The following AGO3 variants were observed in gnomAD, a reference collection of about 807,000 sequenced individuals.
The protein encoded by AGO3 is argonaute RISC catalytic component 3, also known as protein argonaute-3.
A neutral mutation model predicts 105.5 loss-of-function variants in AGO3; 16 were observed. The ratio of observed to expected loss-of-function variants is 0.15; its 90% CI spans 0.10 to 0.23. AGO3 has a LOEUF of 0.23. AGO3 is among the 10% of genes least tolerant of loss of function. AGO3 has a pLI of 1.00. For missense variants in AGO3, 534 were observed against 1,088.0 expected, an observed-to-expected ratio of 0.49 and a Z score of 7.16; for synonymous variants, 340 against 367.3, an observed-to-expected ratio of 0.93 and a Z score of 0.85.
chr1:36,039,478 G>A (rs995707475), intron 14 of AGO3, among the ~76,000 whole-genome samples: 2 of 130,086 alleles, frequency 1.5e-5, no homozygotes, highest in African/African-American at 6.1e-5. Context: ...TGATGACAGA[G>A]CAAGACTGCG....
At chr1:35,957,115 C>T (rs1160065971) in intron 2 of AGO3, among the ~76,000 whole-genome samples, 1 of 151,906 alleles carries the variant, frequency 6.6e-6, no homozygotes, top group Non-Finnish European at 1.5e-5. Flanking sequence ...TTTGGGAGGC[C>T]AAGGTGGGCA....
Position 35,966,149 on chromosome 1 carries a change from A to T in AGO3, c.192-806A>T, listed in dbSNP as rs558993508. Among the ~76,000 whole-genome samples, 130 of 152,208 alleles carry T rather than the reference A, an allele frequency of 8.5e-4. 1 individual carries two copies. Among genetic ancestry groups the T allele is most frequent in the African/African-American group, 3.1e-3 (128 of 41,542 alleles). ...CTTGAATCTTTTAAATTAGTTTTAG[A>T]TTATATCAATACTATGTGAGTACAT... On this transcript the variant is annotated intron_variant, in intron 2 of 18. Coordinates refer to ENST00000373191, the MANE Select transcript of AGO3 (RefSeq NM_024852.4).
intron 14 of AGO3, among the ~76,000 whole-genome samples, chr1:36,037,910 G>A (rs558729677): frequency 2.6e-5 from 4 of 152,132 alleles, no homozygotes; most frequent in Non-Finnish European, 5.9e-5. Context: ...ACTTCTGGTA[G>A]TCATTGTCTT....
chr1:35,974,609 A>G (rs1047775954), intron 5 of AGO3, among the ~76,000 whole-genome samples: 1 of 152,186 alleles, frequency 6.6e-6, no homozygotes, highest in African/African-American at 2.4e-5. Context: ...TTCAAAAATC[A>G]GTCTCTAGGT....
At chr1:35,963,876 C>G (rs1646726206) in intron 2 of AGO3, among the ~76,000 whole-genome samples, 2 of 151,914 alleles carry the variant, frequency 1.3e-5, no homozygotes, top group African/African-American at 4.8e-5. Flanking sequence ...GATGGAGATA[C>G]TATTAATTAA....
At chr1:36,016,961 T>C (rs1021324233) in intron 11 of AGO3, among the ~76,000 whole-genome samples, 1 of 152,170 alleles carries the variant, frequency 6.6e-6, no homozygotes. Context: ...TTCCTCCCTT[T>C]TGGTTAGGTC....
chr1:36,004,186 C>G, intron 5 of AGO3, 155 bp from the exon 6 acceptor site: 1 of 614,928 alleles, frequency 1.6e-6, no homozygotes, highest in Non-Finnish European at 2.5e-6. Context: ...CCTCAGAGGT[C>G]AAATTAAAAC....
rs769120460 is a variant in AGO3, at chr1:36,067,455, A to G, written c.*11710A>G. 2 of 152,284 alleles carry G rather than the reference A, an allele frequency of 1.3e-5. No homozygotes were observed. The highest frequency in any genetic ancestry group is 2.9e-5 in the Non-Finnish European group (2 of 68,096). 9.4% of individuals were successfully genotyped at this position (152,284 alleles called of 1,614,324 possible). On this transcript the variant is annotated 3_prime_UTR_variant, in exon 19 of 19. Coordinates refer to ENST00000373191, the MANE Select transcript of AGO3 (RefSeq NM_024852.4). ...CCGGGAGCAGTGGCTCATGCCTGCA[A>G]TCCCAGCACTTTGGGAGGCCAAGGC...
chr1:36,052,105 A>G (rs958077902), intron 17 of AGO3, among the ~76,000 whole-genome samples: 11 of 152,204 alleles, frequency 7.2e-5, no homozygotes, highest in Admixed American at 5.9e-4. Flanking sequence ...TCAAGAAGAT[A>G]TCTGCATCCC....
At position 36,055,941 on chromosome 1, in the gene AGO3, A is replaced by G; in HGVS notation, c.*196A>G. On this transcript the variant is annotated 3_prime_UTR_variant, in exon 19 of 19. Coordinates refer to ENST00000373191, the MANE Select transcript of AGO3 (RefSeq NM_024852.4). The surrounding 1 kb of genome is among the most constrained non-coding windows in gnomAD (Gnocchi z 4.4). The stretch of plus-strand genomic sequence containing the variant: ...TCAAGGAACACAGCATCATTATGCA[A>G]TATGAAACCAGCCAACTGCTTTTTG... 1 of 512,754 alleles carries G rather than the reference A, an allele frequency of 2.0e-6. No homozygotes were observed. Among genetic ancestry groups the G allele is most frequent in the Non-Finnish European group, 3.4e-6 (1 of 290,800 alleles). The allele number at this position is 512,754 out of a possible 1,614,324, so 31.8% of individuals were successfully genotyped here. A position where few individuals can be genotyped will look rare whatever the true frequency, so the allele number is the denominator to read the frequency against.
chr1:36,009,582 A>G lies in AGO3; in HGVS notation c.1137A>G (p.Glu379=), dbSNP rs1640495026. The G allele has an allele frequency of 6.2e-7, 1 of 1,611,066 alleles. No homozygotes were observed. Among genetic ancestry groups the G allele is most frequent in the Admixed American group, 1.7e-5 (1 of 58,608 alleles). The change falls in exon 9 of 19, where the codon GAA becomes GAG. Residue 379 remains glutamate, a synonymous_variant. Coordinates refer to ENST00000373191, the MANE Select transcript of AGO3 (RefSeq NM_024852.4). ...TARSAPDRQE[E]ISRLVRSANY... ...GATCTGCACCAGATAGACAAGAGGA[A>G]ATTAGCAGATTGGTTAGTACTTAAC... is the stretch of plus-strand genomic sequence containing the variant.
At position 36,013,451 on chromosome 1, in the gene AGO3, C is replaced by A. The variant is rs539176326; in HGVS notation, c.1150-179C>A. ...AGGAGGTCACAGAATTTCTGCAGTC[C>A]ATTCATGACCCATGGTCCCCAGGTT... On this transcript the variant is annotated intron_variant, in intron 9 of 18. Transcript: ENST00000373191. 1.2e-4 allele frequency: 84 copies of A among 705,710 alleles called. No homozygotes were observed. The East Asian group carries it at 2.3e-3, about 19-fold the overall frequency. 43.7% of individuals were successfully genotyped at this position (705,710 alleles called of 1,614,324 possible). A position where few individuals can be genotyped will look rare whatever the true frequency, so the allele number is the denominator to read the frequency against.
chr1:36,056,022 AC>A lies in AGO3; in HGVS notation c.*280del. 3.8e-6 allele frequency: 1 copy of A among 259,784 alleles called. No homozygotes were observed. The highest frequency in any genetic ancestry group is 7.3e-6 in the Non-Finnish European group (1 of 137,126). 16.1% of individuals were successfully genotyped at this position (259,784 alleles called of 1,614,324 possible). On this transcript the variant is annotated 3_prime_UTR_variant, in exon 19 of 19. Coordinates refer to ENST00000373191, the MANE Select transcript of AGO3 (RefSeq NM_024852.4). The stretch of plus-strand genomic sequence containing the variant: ...TTTTGTTTTCATTTCTTGTAGTCTA[AC>A]CCTTTTAATGCCTTTACCTCAAGTT...
chr1:35,972,879 T>TG (rs1280012903), intron 4 of AGO3, among the ~76,000 whole-genome samples: 2 of 144,428 alleles, frequency 1.4e-5, no homozygotes, highest in Non-Finnish European at 3.0e-5. Context: ...TTTTTTTTTG[T>TG]AGAGATGGAA....
At chr1:35,990,660 A>G (rs943722361) in intron 5 of AGO3, among the ~76,000 whole-genome samples, 1 of 152,212 alleles carries the variant, frequency 6.6e-6, no homozygotes, top group African/African-American at 2.4e-5. Flanking sequence ...AGTAGTTAGA[A>G]GTTCACACTG....
At chr1:36,009,932 C>CTTTTTTTTTTTTTTTTTTTTTTTT (rs58385070) in intron 9 of AGO3, among the ~76,000 whole-genome samples, 1 of 58,202 alleles carries the variant, frequency 1.7e-5, no homozygotes, top group Non-Finnish European at 3.0e-5. Flanking sequence ...TACTAAAATT[C>CTTTTTTTTTTTTTTTTTTTTTTTT]TTTTTTTTTT....
Position 36,009,413 on chromosome 1 carries a change from C to T in AGO3, c.1030-62C>T, listed in dbSNP as rs534532921. ...AATTTTTATTTACATGTAATTGGCA[C>T]TAAGTAAGAGCTAAAAAAAAAAGAT... On this transcript the variant is annotated intron_variant, in intron 8 of 18. Coordinates refer to ENST00000373191, the MANE Select transcript of AGO3 (RefSeq NM_024852.4). 4.5e-3 allele frequency: 6,814 copies of T among 1,502,300 alleles called. 21 individuals are homozygous for T. The highest frequency in any genetic ancestry group is 5.4e-3 in the Non-Finnish European group (6,076 of 1,122,760). 93.1% of individuals were successfully genotyped at this position (1,502,300 alleles called of 1,614,324 possible). A position where few individuals can be genotyped will look rare whatever the true frequency, so the allele number is the denominator to read the frequency against.
chr1:35,981,923 G>A (rs1647060260), intron 5 of AGO3, among the ~76,000 whole-genome samples: 1 of 152,056 alleles, frequency 6.6e-6, no homozygotes, highest in Admixed American at 6.5e-5. Flanking sequence ...GCTTCTTTTA[G>A]TCTCAAGTAC....
intron 5 of AGO3, among the ~76,000 whole-genome samples, chr1:35,979,544 A>G (rs1317750943): frequency 6.6e-6 from 1 of 152,064 alleles, no homozygotes; most frequent in Non-Finnish European, 1.5e-5. Context: ...TGCTTATGTC[A>G]TTTATTTCCT....
Sources: gnomAD v4.1 joint callset for allele counts (sites outside exome capture counted in the v4.1 genomes callset) on GRCh38, gnomAD v4.1.1 for gene constraint, Gnocchi (gnomAD v3.1) non-coding constraint, MANE v1.5 for transcripts, NCBI Gene and HGNC (gene_info 2026-07-23, HGNC 2026-07-21) for gene names.